The following PUM1 variants were observed in gnomAD, a reference collection of about 807,000 sequenced individuals.
The protein encoded by PUM1 is pumilio homolog 1.
PUM1 carries 13 observed loss-of-function variants against 131.8 expected under a neutral mutation model. The ratio of observed to expected loss-of-function variants is 0.10; its 90% CI spans 0.06 to 0.16. The LOEUF is 0.16. PUM1 is among the 10% of genes least tolerant of loss of function. The pLI, the probability that PUM1 is intolerant of heterozygous loss-of-function variation, is 1.00. For synonymous variants in PUM1, 509 were observed against 556.5 expected, an observed-to-expected ratio of 0.91 and a Z score of 1.20; for missense variants, 961 against 1,512.4, an observed-to-expected ratio of 0.64 and a Z score of 6.05.
chr1:30,969,431 A>G (rs1250167589), intron 10 of PUM1, among the ~76,000 whole-genome samples: 1 of 152,096 alleles, frequency 6.6e-6, no homozygotes, highest in African/African-American at 2.4e-5. Context: ...TGAGTCTCAC[A>G]TGCACACAAA....
chr1:31,059,072 A>G, intron 2 of PUM1, 132 bp downstream of exon 2: 1 of 1,077,768 alleles, frequency 9.3e-7, no homozygotes, highest in Admixed American at 2.5e-5. Context: ...ATCAACCTTT[A>G]TAACAAGTAA....
chr1:31,045,428 T>G (rs1643928532), intron 2 of PUM1, among the ~76,000 whole-genome samples: 1 of 152,086 alleles, frequency 6.6e-6, no homozygotes, highest in South Asian at 2.1e-4. Flanking sequence ...CTTGAGCCAC[T>G]GCACTGGCCA....
Position 31,006,915 on chromosome 1 carries a change from A to T in PUM1, c.541+79T>A, listed in dbSNP as rs1008376372. 6.0e-5 allele frequency: 67 copies of T among 1,112,748 alleles called. No homozygotes were observed. In the Admixed American group the frequency reaches 1.3e-3, roughly 21 times the overall value. The allele number at this position is 1,112,748 out of a possible 1,614,324, so 68.9% of individuals were successfully genotyped here. A position where few individuals can be genotyped will look rare whatever the true frequency, so the allele number is the denominator to read the frequency against. On this transcript the variant is annotated intron_variant, in intron 4 of 21. Transcript: ENST00000426105. Reference sequence around the variant, plus strand: ...GACATGCTTATGTCACTGATGTAAAATTCATGACTTGCCAATTGCTGAGGA... The same window carrying T: ...GACATGCTTATGTCACTGATGTAAATTTCATGACTTGCCAATTGCTGAGGA...
At chr1:30,968,885 CAG>C (rs1370634793) in intron 10 of PUM1, among the ~76,000 whole-genome samples, 1 of 152,148 alleles carries the variant, frequency 6.6e-6, no homozygotes, top group Non-Finnish European at 1.5e-5. Context: ...GCAAGTGAGA[CAG>C]AGCAATGAAC....
intron 4 of PUM1, among the ~76,000 whole-genome samples, chr1:31,006,774 C>T (rs564553294): frequency 6.6e-6 from 1 of 152,190 alleles, no homozygotes; most frequent in African/African-American, 2.4e-5. Context: ...GACCATTCCC[C>T]TGTGGCTAGC....
intron 3 of PUM1, among the ~76,000 whole-genome samples, chr1:31,010,571 T>C (rs1642575887): frequency 6.6e-6 from 1 of 152,170 alleles, no homozygotes; most frequent in Non-Finnish European, 1.5e-5. Flanking sequence ...TACAAAGCTG[T>C]TGCTCCGCAG....
In PUM1 at chr1:30,964,755, G is replaced by C. The variant is rs1299820420; in HGVS notation, c.2242C>G (p.Leu748Val). 6.2e-7 allele frequency: 1 copy of C among 1,614,016 alleles called. No homozygotes were observed. Among genetic ancestry groups the C allele is most frequent in the African/African-American group, 1.3e-5 (1 of 74,908 alleles). ...SSSPGPVGMP[L>V]PSQGPGHSQT... ...GAATGTCCTGGTCCCTGACTAGGGA[G>C]AGGCATGCCCACGGGTCCAGGAGAG... The change falls in exon 14 of 22, where the codon CTC becomes GTC. Residue 748 changes from leucine to valine, a missense_variant. Leu to Val is a conservative substitution (Grantham distance 32). Around this residue, in one of 4 missense-constraint regions of PUM1, gnomAD observed 117 missense variants for 200.7 expected, o/e 0.58. Transcript: ENST00000426105.
rs1644317951 is a variant in PUM1, at chr1:31,059,246, T to C, written c.321A>G (p.Lys107=). 3.7e-6 allele frequency: 6 copies of C among 1,610,120 alleles called. No homozygotes were observed. Among genetic ancestry groups the C allele is most frequent in the Non-Finnish European group, 4.2e-6 (5 of 1,178,388 alleles). The change falls in exon 2 of 22, where the codon AAA becomes AAG. Residue 107 remains lysine, a synonymous_variant. Coordinates refer to ENST00000426105, the MANE Select transcript of PUM1 (RefSeq NM_001020658.2). The part of the protein sequence containing the change: ...GSGGGGYNNS[K]HRWPTGDNIH... ...TGTTATCCCCAGTAGGCCATCGATG[T>C]TTGCTATTATTATAGCCGCCTCCTC... is the stretch of plus-strand genomic sequence containing the variant.
intron 1 of PUM1, among the ~76,000 whole-genome samples, chr1:31,065,279 A>G (rs1644458591): frequency 6.6e-6 from 1 of 152,038 alleles, no homozygotes; most frequent in Non-Finnish European, 1.5e-5. Flanking sequence ...AAAAAAAGCA[A>G]CCCGAATGGC....
At chr1:30,945,212 C>A in intron 18 of PUM1, 134 bp downstream of exon 18, 1 of 1,009,666 alleles carries the variant, frequency 9.9e-7, no homozygotes, top group Non-Finnish European at 1.4e-6. Flanking sequence ...CCAGCCTGGG[C>A]AACAGAGTGG....
At chr1:31,064,670 T>C (rs1488162220) in intron 1 of PUM1, among the ~76,000 whole-genome samples, 3 of 146,274 alleles carry the variant, frequency 2.1e-5, no homozygotes, top group African/African-American at 7.6e-5. Flanking sequence ...AGTGTTTTCT[T>C]AATTGAACAA....
chr1:30,968,575 T>A, intron 10 of PUM1, 83 bp from the exon 11 acceptor site: 1 of 1,407,628 alleles, frequency 7.1e-7, no homozygotes, highest in Non-Finnish European at 9.6e-7. Context: ...GGTCAACTTT[T>A]AAAACTTAAT....
chr1:31,060,179 G>A (rs964150212), intron 1 of PUM1, among the ~76,000 whole-genome samples: 1 of 150,388 alleles, frequency 6.6e-6, no homozygotes, highest in African/African-American at 2.4e-5. Context: ...TCACAACTTC[G>A]GCCGGGTGTG....
chr1:30,992,240 G>C lies in PUM1; in HGVS notation c.1158+150C>G, dbSNP rs115295942. ...GGGACCAGCTTCATGAGGGGACTCTGTAAACCTACATCACTAACAGGTTCA... is the reference window on the plus strand; with the variant it reads ...GGGACCAGCTTCATGAGGGGACTCTCTAAACCTACATCACTAACAGGTTCA... On this transcript the variant is annotated intron_variant, in intron 7 of 21. Transcript: ENST00000426105. 1.3e-3 allele frequency: 1,353 copies of C among 1,068,732 alleles called. 7 individuals are homozygous for C. The African/African-American group carries it at 0.017, about 13-fold the overall frequency. 66.2% of individuals were successfully genotyped at this position (1,068,732 alleles called of 1,614,324 possible).
chr1:30,981,506 G>T (rs1189041839), intron 7 of PUM1, 101 bp from the exon 8 acceptor site: 9 of 606,838 alleles, frequency 1.5e-5, no homozygotes, highest in Non-Finnish European at 2.4e-5. Context: ...TTGTTTAGGC[G>T]TGACACCTTA....
At chr1:31,011,814 CA>C (rs1423685350) in intron 3 of PUM1, among the ~76,000 whole-genome samples, 3 of 152,102 alleles carry the variant, frequency 2.0e-5, no homozygotes, top group African/African-American at 7.2e-5. Context: ...CGAAAAGTAA[CA>C]GATCACAAGA....
intron 14 of PUM1, among the ~76,000 whole-genome samples, chr1:30,961,261 G>A (rs1278149208): frequency 6.6e-6 from 1 of 151,192 alleles, no homozygotes; most frequent in Non-Finnish European, 1.5e-5. Flanking sequence ...TGTAATCCTA[G>A]TGCTTTGAGA....
At chr1:30,936,234 C>A (rs1391092679) in intron 21 of PUM1, among the ~76,000 whole-genome samples, 2 of 151,840 alleles carry the variant, frequency 1.3e-5, no homozygotes, top group Admixed American at 6.6e-5. Flanking sequence ...CTGATGAAGT[C>A]TGGCACAGAG....
At chr1:31,052,075 C>T (rs964343381) in intron 2 of PUM1, among the ~76,000 whole-genome samples, 6 of 151,846 alleles carry the variant, frequency 4.0e-5, no homozygotes, top group Admixed American at 3.3e-4. Flanking sequence ...GGCAGTGGTG[C>T]GATCTTGGCT....
Sources: allele counts gnomAD v4.1 joint callset (sites outside exome capture counted in the v4.1 genomes callset), GRCh38; gene constraint gnomAD v4.1.1; regional missense constraint gnomAD v4.1.1; transcripts MANE v1.5; gene names NCBI Gene and HGNC (gene_info 2026-07-23, HGNC 2026-07-21).